The following SLIT1 variants were observed in gnomAD, a reference collection of about 807,000 sequenced individuals.
SLIT1 encodes slit guidance ligand 1, also known as slit homolog 1 protein.
SLIT1 carries 66 observed loss-of-function variants against 186.1 expected under a neutral mutation model. The ratio of observed to expected loss-of-function variants is 0.35; its 90% CI spans 0.29 to 0.44. The LOEUF (loss-of-function observed/expected upper bound fraction) is 0.44, where lower values mean the gene tolerates loss of function less well. Ranked by LOEUF, SLIT1 falls within the 20% of genes least tolerant of loss-of-function variation. The pLI is 1.00. For missense variants in SLIT1, 1,638 were observed against 2,037.4 expected (o/e 0.80, Z 3.77); for synonymous variants, 761 against 833.8 (o/e 0.91, Z 1.50).
intron 26 of SLIT1, among the ~76,000 whole-genome samples, chr10:97,019,483 T>C (rs571143479): frequency 6.6e-6 from 1 of 152,290 alleles, no homozygotes; most frequent in South Asian, 2.1e-4. Context: ...CCTCATGCCC[T>C]TCTGAGGCAA....
chr10:97,160,340 C>G (rs1287675213), intron 3 of SLIT1, among the ~76,000 whole-genome samples: 1 of 152,190 alleles, frequency 6.6e-6, no homozygotes, highest in Non-Finnish European at 1.5e-5. Context: ...AAAGAGTCAT[C>G]TCTATGAAAA....
rs1415132805 is a variant in SLIT1, at chr10:97,049,027, G to A, written c.1393C>T (p.Arg465Cys). Residue 465 changes from arginine (R) to cysteine (C), a missense_variant, in exon 14 of 37, where the codon CGC (arginine) becomes TGC (cysteine). Arg to Cys is a radical substitution (Grantham distance 180). Coordinates refer to ENST00000266058, the MANE Select transcript of SLIT1 (RefSeq NM_003061.3). ...GCGAGGCGCCGGGGACTGGCACAGCGGGCACCACTCGTCTCGATGGGATTG... is the reference window on the plus strand; with the variant it reads ...GCGAGGCGCCGGGGACTGGCACAGCAGGCACCACTCGTCTCGATGGGATTG... ...RTNPIETSGA[R>C]CASPRRLANK... 7 of 1,613,214 alleles carry A rather than the reference G, an allele frequency of 4.3e-6. No homozygotes were observed. Among genetic ancestry groups the A allele is most frequent in the Admixed American group, 1.7e-5 (1 of 60,018 alleles).
chr10:97,169,336 C>CCTTA (rs1850157911), intron 1 of SLIT1, among the ~76,000 whole-genome samples: 2 of 152,230 alleles, frequency 1.3e-5, no homozygotes, highest in African/African-American at 4.8e-5. Flanking sequence ...GGCTGGCTGC[C>CCTTA]TAAGGAGGTA....
intron 4 of SLIT1, among the ~76,000 whole-genome samples, chr10:97,156,607 G>A (rs781481991): frequency 4.6e-5 from 7 of 152,226 alleles, no homozygotes; most frequent in South Asian, 2.1e-4. Context: ...TTGAAGGTAA[G>A]ATCAACAACA....
In SLIT1 at chr10:97,001,307, G is replaced by C; in HGVS notation, c.4410C>G (p.Val1470=). 6.2e-7 allele frequency: 1 copy of C among 1,613,220 alleles called. No individual in the cohort carries two copies. Among genetic ancestry groups the C allele is most frequent in the East Asian group, 2.2e-5 (1 of 44,888 alleles). ...RGDPVRDFHQ[V]QRGYAICQTT... is the part of the protein sequence containing the mutation. Reference sequence around the variant, plus strand: ...TCTGGCAGATGGCATAGCCCCTCTGGACCTGGTGAAAGTCCCGGACAGGGT... The same window carrying C: ...TCTGGCAGATGGCATAGCCCCTCTGCACCTGGTGAAAGTCCCGGACAGGGT... The change falls in exon 37 of 37, where the codon GTC becomes GTG. Residue 1470 remains valine (V), a synonymous_variant. Coordinates refer to ENST00000266058, the MANE Select transcript of SLIT1 (RefSeq NM_003061.3).
At chr10:97,136,449 T>C (rs935219919) in intron 4 of SLIT1, among the ~76,000 whole-genome samples, 2 of 152,226 alleles carry the variant, frequency 1.3e-5, no homozygotes, top group Non-Finnish European at 1.5e-5. Flanking sequence ...CCATATGCTA[T>C]TATAATTTTG....
intron 4 of SLIT1, among the ~76,000 whole-genome samples, chr10:97,078,552 T>C (rs1231636318): frequency 6.6e-6 from 1 of 152,162 alleles, no homozygotes; most frequent in Admixed American, 6.5e-5. Flanking sequence ...GCAGCCCTGC[T>C]TTGAAGTGAA....
chr10:97,070,582 G>C (rs556624076), intron 4 of SLIT1, among the ~76,000 whole-genome samples: 1 of 152,326 alleles, frequency 6.6e-6, no homozygotes, highest in East Asian at 1.9e-4. Flanking sequence ...GACTTTGGGA[G>C]GTGATAGGTC....
intron 4 of SLIT1, among the ~76,000 whole-genome samples, chr10:97,133,974 G>A (rs546467222): frequency 6.6e-6 from 1 of 152,304 alleles, no homozygotes; most frequent in South Asian, 2.1e-4. Flanking sequence ...TCTTTGCTAT[G>A]ACTGTGCTGC....
chr10:97,138,538 A>G (rs1849726257), intron 4 of SLIT1, among the ~76,000 whole-genome samples: 1 of 152,254 alleles, frequency 6.6e-6, no homozygotes, highest in Non-Finnish European at 1.5e-5. Context: ...ATTAAAAATC[A>G]TCAATACATG....
intron 4 of SLIT1, among the ~76,000 whole-genome samples, chr10:97,105,170 G>T (rs2636776): frequency 0.5 from 76,288 of 152,018 alleles, 20,937 homozygotes; most frequent in East Asian, 0.73. Flanking sequence ...AAGAAGGGGG[G>T]CATGCTCCTT....
intron 23 of SLIT1, among the ~76,000 whole-genome samples, chr10:97,033,844 G>A (rs1427715709): frequency 6.6e-6 from 1 of 151,500 alleles, no homozygotes; most frequent in African/African-American, 2.4e-5. Context: ...AAGGGACAAG[G>A]TGCTAGCACT....
intron 4 of SLIT1, among the ~76,000 whole-genome samples, chr10:97,099,980 T>C (rs1475345316): frequency 2.0e-5 from 3 of 152,218 alleles, no homozygotes; most frequent in African/African-American, 4.8e-5. Context: ...TCTGACAATA[T>C]ATACTTAGAG....
chr10:97,056,230 A>G (rs1178088321), intron 13 of SLIT1, 91 bp downstream of exon 13: 9 of 1,439,510 alleles, frequency 6.3e-6, no homozygotes, highest in Admixed American at 1.8e-5. Context: ...ACAGCAGCCC[A>G]GAGCCGGAGA....
At chr10:97,152,610 C>T (rs926420625) in intron 4 of SLIT1, among the ~76,000 whole-genome samples, 1 of 152,196 alleles carries the variant, frequency 6.6e-6, no homozygotes, top group Non-Finnish European at 1.5e-5. Context: ...GCTGCAACAT[C>T]GTATCACAGG....
intron 11 of SLIT1, among the ~76,000 whole-genome samples, chr10:97,059,120 T>G (rs940180125): frequency 2.0e-5 from 3 of 152,184 alleles, no homozygotes; most frequent in African/African-American, 7.2e-5. Context: ...ATGCTGGGCT[T>G]CGGGCGGGGG....
At chr10:97,166,569 G>GAGAGAGAA (rs1444883867) in intron 1 of SLIT1, among the ~76,000 whole-genome samples, 1 of 58,960 alleles carries the variant, frequency 1.7e-5, no homozygotes, top group South Asian at 5.6e-4. Flanking sequence ...GAGAGAGAGA[G>GAGAGAGAA]AGAAAGAAAG....
chr10:97,157,002 T>C (rs1421018943), intron 4 of SLIT1, among the ~76,000 whole-genome samples: 3 of 152,194 alleles, frequency 2.0e-5, no homozygotes, highest in Non-Finnish European at 4.4e-5. Flanking sequence ...TAGGTAGTTA[T>C]AGAAAGCAAA....
rs1850379528 is a variant in SLIT1 at position 97,184,100 on chromosome 10, C to A, written c.197+1378G>T. Among the ~76,000 whole-genome samples, 1 of 150,824 alleles carries A rather than the reference C, an allele frequency of 6.6e-6. No homozygotes were observed. Among genetic ancestry groups the A allele is most frequent in the African/African-American group, 2.4e-5 (1 of 40,982 alleles). ...CATCTAGATTGCAAATTCTCTAAAA[C>A]CTCCACGGGAATTTTTCAGATGCAG... On this transcript the variant is annotated intron_variant, in intron 1 of 36. Coordinates refer to ENST00000266058, the MANE Select transcript of SLIT1 (RefSeq NM_003061.3). This position sits in a 1 kb window ranked among gnomAD's most constrained non-coding sequence, Gnocchi z 4.4.
Sources: allele counts gnomAD v4.1 joint callset (sites outside exome capture counted in the v4.1 genomes callset), GRCh38; gene constraint gnomAD v4.1.1; non-coding constraint Gnocchi (gnomAD v3.1); transcripts MANE v1.5; gene names NCBI Gene and HGNC (gene_info 2026-07-23, HGNC 2026-07-21).